The following TBC1D1 variants were observed in gnomAD, a reference collection of about 807,000 sequenced individuals.
TBC1D1 encodes TBC1 domain family member 1, also known as TBC1 (tre-2/USP6, BUB2, cdc16) domain family, member 1.
A neutral mutation model predicts 125.6 loss-of-function variants in TBC1D1; 89 were observed. The observed-to-expected ratio is 0.71, with a 90% CI of 0.60 to 0.85. TBC1D1 has a LOEUF of 0.85. Among genes scored for constraint, TBC1D1 ranks in the 40% least tolerant of loss-of-function variants. The probability of loss-of-function intolerance (pLI) is 0.00; values close to 1 mark genes in which losing one functional copy is unlikely to be tolerated. For synonymous variants in TBC1D1, 565 were observed against 564.1 expected, an observed-to-expected ratio of 1.00 and a Z score of -0.02; for missense variants, 1,377 against 1,469.2, an observed-to-expected ratio of 0.94 and a Z score of 1.03.
intron 2 of TBC1D1, among the ~76,000 whole-genome samples, chr4:38,003,014 C>G (rs1006214799): frequency 2.6e-5 from 4 of 152,192 alleles, no homozygotes; most frequent in African/African-American, 9.7e-5. Context: ...TTAGCCCTTA[C>G]AGAAAAGTAG....
At chr4:38,006,629 C>A (rs1031201718) in intron 2 of TBC1D1, among the ~76,000 whole-genome samples, 42 of 151,996 alleles carry the variant, frequency 2.8e-4, no homozygotes, top group African/African-American at 9.4e-4. Flanking sequence ...CAGGCATGTG[C>A]CACCACGCCC....
At chr4:38,109,166 G>A (rs564629221) in intron 15 of TBC1D1, among the ~76,000 whole-genome samples, 16 of 152,336 alleles carry the variant, frequency 1.1e-4, no homozygotes, top group East Asian at 1.9e-4. Context: ...GTTATCTCAC[G>A]CACCTGTCTG....
Position 37,902,280 on chromosome 4 carries a change from A to C in TBC1D1, c.185A>C (p.Lys62Thr). Residue 62 changes from lysine to threonine, a missense_variant, in exon 2 of 20, where the codon AAG (lysine) becomes ACG (threonine). By Grantham distance (78) the Lys-to-Thr change is moderately conservative (BLOSUM62 -1). Coordinates refer to ENST00000261439, the MANE Select transcript of TBC1D1 (RefSeq NM_015173.4). ...TCCACCAGAAAGGAACCTGTAACCA[A>C]GCAAGTCCGGCTTTGCGTTTCACCC... The C allele has an allele frequency of 6.2e-7, 1 of 1,614,154 alleles. No homozygotes were observed. Among genetic ancestry groups the C allele is most frequent in the Non-Finnish European group, 8.5e-7 (1 of 1,180,014 alleles).
intron 2 of TBC1D1, among the ~76,000 whole-genome samples, chr4:37,944,443 C>T (rs1348831486): frequency 6.6e-6 from 1 of 152,242 alleles, no homozygotes; most frequent in African/African-American, 2.4e-5. Flanking sequence ...GTGGAGTCTA[C>T]AGAGGCAGGC....
At chr4:38,073,159 C>T (rs1313611097) in intron 12 of TBC1D1, among the ~76,000 whole-genome samples, 1 of 152,166 alleles carries the variant, frequency 6.6e-6, no homozygotes, top group Admixed American at 6.5e-5. Context: ...TTTGCTGGAT[C>T]GATCATAGTG....
intron 19 of TBC1D1, among the ~76,000 whole-genome samples, chr4:38,135,950 G>GTA (rs1766523952): frequency 6.9e-6 from 1 of 145,702 alleles, no homozygotes; most frequent in African/African-American, 2.7e-5. Flanking sequence ...GTGTGTGTGT[G>GTA]TGTATATATG....
chr4:37,933,217 A>C (rs1325122422), intron 2 of TBC1D1, among the ~76,000 whole-genome samples: 1 of 152,118 alleles, frequency 6.6e-6, no homozygotes, highest in Non-Finnish European at 1.5e-5. Context: ...ACTCACAAAC[A>C]CACATATATA....
At chr4:37,988,005 T>G (rs1010879449) in intron 2 of TBC1D1, among the ~76,000 whole-genome samples, 9 of 152,200 alleles carry the variant, frequency 5.9e-5, no homozygotes, top group African/African-American at 2.2e-4. Context: ...CAGGTCCCAG[T>G]GTGCTCTGTG....
chr4:38,067,891 T>C (rs1199898176), intron 12 of TBC1D1, among the ~76,000 whole-genome samples: 2 of 152,168 alleles, frequency 1.3e-5, no homozygotes, highest in Non-Finnish European at 2.9e-5. Context: ...TCCTGCCGTT[T>C]TCACATTTTC....
intron 2 of TBC1D1, among the ~76,000 whole-genome samples, chr4:37,934,319 A>G (rs1036394385): frequency 3.9e-5 from 6 of 152,184 alleles, no homozygotes; most frequent in African/African-American, 1.4e-4. Flanking sequence ...GGCGTCCCAG[A>G]GGCTGTACCC....
At chr4:38,128,761 C>T (rs1171438940) in intron 18 of TBC1D1, among the ~76,000 whole-genome samples, 2 of 152,154 alleles carry the variant, frequency 1.3e-5, no homozygotes, top group Non-Finnish European at 2.9e-5. Context: ...TGTCTGAAGC[C>T]TTTGTGGCAG....
intron 2 of TBC1D1, among the ~76,000 whole-genome samples, chr4:37,910,739 C>A (rs925180723): frequency 6.6e-6 from 1 of 151,898 alleles, no homozygotes; most frequent in Non-Finnish European, 1.5e-5. Context: ...GTATTTGATA[C>A]AACGGAGTGA....
intron 17 of TBC1D1, 128 bp downstream of exon 19, chr4:38,118,320 A>G: frequency 1.7e-6 from 2 of 1,150,004 alleles, no homozygotes; most frequent in Non-Finnish European, 2.4e-6. Flanking sequence ...ATTGTTTGAT[A>G]GTCTAAGATT....
chr4:38,091,519 G>T (rs543369066), intron 13 of TBC1D1, among the ~76,000 whole-genome samples: 31 of 152,198 alleles, frequency 2.0e-4, no homozygotes, highest in Non-Finnish European at 3.5e-4. Context: ...AGTTATGTTC[G>T]TGTGTATCTT....
At chr4:37,908,294 C>G (rs1717789888) in intron 2 of TBC1D1, among the ~76,000 whole-genome samples, 1 of 152,090 alleles carries the variant, frequency 6.6e-6, no homozygotes, top group South Asian at 2.1e-4. Flanking sequence ...CAACCTCTGC[C>G]TACCGGGTTC....
intron 12 of TBC1D1, among the ~76,000 whole-genome samples, chr4:38,069,006 T>C (rs1754234587): frequency 6.6e-6 from 1 of 152,228 alleles, no homozygotes; most frequent in Non-Finnish European, 1.5e-5. Context: ...CCCACACTGC[T>C]CCTAAAACTA....
chr4:37,892,941 C>T (rs778790578), intron 1 of TBC1D1, among the ~76,000 whole-genome samples: 11 of 152,190 alleles, frequency 7.2e-5, no homozygotes, highest in Non-Finnish European at 1.3e-4. Context: ...GCTGCAATGA[C>T]AATGAGATGT....
At chr4:38,107,800 G>A (rs1578749981) in intron 15 of TBC1D1, among the ~76,000 whole-genome samples, 2 of 152,078 alleles carry the variant, frequency 1.3e-5, no homozygotes, top group East Asian at 3.9e-4. Flanking sequence ...CACATTGCGA[G>A]TTACTCAGTG....
At chr4:38,100,758 CAGTA>C (rs1228782284) in intron 14 of TBC1D1, among the ~76,000 whole-genome samples, 3 of 152,258 alleles carry the variant, frequency 2.0e-5, no homozygotes, top group Admixed American at 1.3e-4. Context: ...ACTTACTACA[CAGTA>C]AGTATTTCCA....
Sources: gnomAD v4.1 joint callset for allele counts (sites outside exome capture counted in the v4.1 genomes callset) on GRCh38, gnomAD v4.1.1 for gene constraint, MANE v1.5 for transcripts, NCBI Gene and HGNC (gene_info 2026-07-23, HGNC 2026-07-21) for gene names.